DMD: variants seen among roughly 807,000 people sequenced by gnomAD.
DMD encodes mutant dystrophin.
A neutral mutation model predicts 330.1 loss-of-function variants in DMD; 63 were observed. The observed-to-expected ratio is 0.19, with a 90% CI of 0.16 to 0.24. The LOEUF (loss-of-function observed/expected upper bound fraction) is 0.24, where lower values mean the gene tolerates loss of function less well. Ranked by LOEUF, DMD falls within the 10% of genes least tolerant of loss-of-function variation. The pLI, the probability that DMD is intolerant of heterozygous loss-of-function variation, is 1.00. For synonymous variants in DMD, 1,223 were observed against 959.8 expected (o/e 1.27, Z -5.07); for missense variants, 3,344 against 2,684.1 (o/e 1.25, Z -5.43).
At chrX:33,137,677 G>A (rs181435952) in intron 1 of DMD, among the ~76,000 whole-genome samples, 10 of 111,461 alleles carry the variant, frequency 9.0e-5, no homozygotes, top group Admixed American at 8.6e-4. Context: ...CCTGTATATG[G>A]TAAGTGCTCA....
intron 47 of DMD, among the ~76,000 whole-genome samples, chrX:31,921,869 C>A (rs191405495): frequency 8.9e-6 from 1 of 111,897 alleles, no homozygotes; most frequent in East Asian, 2.8e-4. Flanking sequence ...TAAATTACCT[C>A]CTCATCACTC....
chrX:32,264,662 G>C (rs144302038), intron 43 of DMD, among the ~76,000 whole-genome samples: 2,398 of 111,939 alleles, frequency 0.021, 60 homozygotes, highest in African/African-American at 0.073. Context: ...AGTCCAGACT[G>C]AGGTGGTCTC....
chrX:32,781,124 AG>A (rs1272288186), intron 7 of DMD, among the ~76,000 whole-genome samples: 258 of 95,183 alleles, frequency 2.7e-3, no homozygotes, highest in African/African-American at 0.012. Context: ...TCTCAAAAAA[AG>A]AAAAAAAAAA....
At chrX:31,871,096 A>G (rs1221871235) in intron 48 of DMD, among the ~76,000 whole-genome samples, 1 of 111,340 alleles carries the variant, frequency 9.0e-6, no homozygotes, top group African/African-American at 3.3e-5. Flanking sequence ...AAATCAACAT[A>G]TTTTATGTCT....
At chrX:33,152,399 C>T (rs1314764133) in intron 1 of DMD, among the ~76,000 whole-genome samples, 1 of 109,769 alleles carries the variant, frequency 9.1e-6, no homozygotes, top group African/African-American at 3.3e-5. Context: ...GTCTTGAACC[C>T]TTCACCTGAG....
chrX:32,344,514 T>G (rs775637727), intron 39 of DMD, among the ~76,000 whole-genome samples: 3 of 111,113 alleles, frequency 2.7e-5, no homozygotes, highest in Non-Finnish European at 5.7e-5. Flanking sequence ...TTATGTTGAA[T>G]TTTCAAACCT....
chrX:31,420,102 G>T (rs1317747289), intron 60 of DMD, among the ~76,000 whole-genome samples: 1 of 112,039 alleles, frequency 8.9e-6, no homozygotes, highest in Non-Finnish European at 1.9e-5. Context: ...AGAAAAATGG[G>T]TGTTTTCTAG....
intron 11 of DMD, among the ~76,000 whole-genome samples, chrX:32,624,269 G>A (rs1383661691): frequency 9.0e-6 from 1 of 111,631 alleles, no homozygotes; most frequent in Non-Finnish European, 1.9e-5. Flanking sequence ...GAGAGCCGAG[G>A]GAGTGGAATT....
chrX:31,334,884 C>T lies in DMD; in HGVS notation c.9164-11226G>A, dbSNP rs763201518. On this transcript the variant is annotated intron_variant, in intron 61 of 78. Transcript: ENST00000357033. ...TTCCTTGCTATTAATATTTCTCAAA[C>T]CCTCTAAGCATGCTCCATCTTGGAT... is the stretch of plus-strand genomic sequence containing the variant. Among the ~76,000 whole-genome samples the T allele has an allele frequency of 4.5e-5, 5 of 111,571 alleles. No homozygotes were observed. The South Asian group carries it at 1.9e-3, about 43-fold the overall frequency.
At chrX:32,351,354 T>C (rs1174720278) in intron 37 of DMD, among the ~76,000 whole-genome samples, 2 of 110,851 alleles carry the variant, frequency 1.8e-5, no homozygotes, top group East Asian at 5.6e-4. Flanking sequence ...CATAACATTG[T>C]AATGGTGAAC....
At chrX:31,289,278 T>A (rs759252577) in intron 62 of DMD, among the ~76,000 whole-genome samples, 5,331 of 59,772 alleles carry the variant, frequency 0.089, 826 homozygotes, top group African/African-American at 0.26. Flanking sequence ...AAAAATAAAA[T>A]AAAATCCATC....
intron 2 of DMD, among the ~76,000 whole-genome samples, chrX:32,911,084 A>T (rs189750884): frequency 5.3e-4 from 60 of 112,410 alleles, no homozygotes; most frequent in African/African-American, 1.9e-3. Context: ...TGGTCTATAT[A>T]TTTATTAGAT....
chrX:31,767,309 A>G (rs958612152), intron 51 of DMD, among the ~76,000 whole-genome samples: 12 of 111,982 alleles, frequency 1.1e-4, no homozygotes, highest in African/African-American at 3.9e-4. Flanking sequence ...TCACCCTAAG[A>G]TGACTGTCAC....
intron 21 of DMD, among the ~76,000 whole-genome samples, chrX:32,483,818 T>TAAAAAAAA (rs1205302363): frequency 2.1e-4 from 1 of 4,694 alleles, no homozygotes; most frequent in Non-Finnish European, 4.6e-4. Context: ...GACTCTGAAG[T>TAAAAAAAA]ACAAAAAAAA....
intron 21 of DMD, among the ~76,000 whole-genome samples, chrX:32,480,238 C>A (rs2041707171): frequency 9.0e-6 from 1 of 111,726 alleles, no homozygotes; most frequent in African/African-American, 3.2e-5. Context: ...ATTAGAACGG[C>A]TACTTTCAAA....
intron 67 of DMD, 33 bp downstream of exon 67, chrX:31,203,928 A>G: frequency 1.7e-6 from 2 of 1,171,257 alleles, no homozygotes; most frequent in African/African-American, 3.5e-5. Flanking sequence ...ATATGAAAGA[A>G]TAAATATGTT....
chrX:33,334,173 AT>A (rs1271288860), intron 1 of DMD, among the ~76,000 whole-genome samples: 1 of 111,783 alleles, frequency 8.9e-6, no homozygotes. Context: ...AGAGACTTCA[AT>A]TTTTTATGGA....
chrX:31,597,368 T>C (rs1290226303), intron 55 of DMD, among the ~76,000 whole-genome samples: 1 of 112,114 alleles, frequency 8.9e-6, no homozygotes, highest in Non-Finnish European at 1.9e-5. Flanking sequence ...ATTTAGTTAG[T>C]TGATAAATCA....
chrX:31,790,921 T>C (rs191324816), intron 50 of DMD, among the ~76,000 whole-genome samples: 2 of 112,136 alleles, frequency 1.8e-5, no homozygotes, highest in Non-Finnish European at 3.8e-5. Flanking sequence ...TTCAGTAATA[T>C]TGTAATATAA....
Sources: gnomAD v4.1 joint callset for allele counts (sites outside exome capture counted in the v4.1 genomes callset) on GRCh38, gnomAD v4.1.1 for gene constraint, MANE v1.5 for transcripts, NCBI Gene and HGNC (gene_info 2026-07-23, HGNC 2026-07-21) for gene names.